ANKRD11: variants seen among roughly 807,000 people sequenced by gnomAD.
ANKRD11 encodes ankyrin repeat domain-containing protein 11.
In ANKRD11, 17 loss-of-function variants were observed where a neutral mutation model predicts 195.7. The ratio of observed to expected loss-of-function variants is 0.09; its 90% CI spans 0.06 to 0.13. ANKRD11 has a LOEUF of 0.13. Among genes scored for constraint, ANKRD11 ranks in the 10% least tolerant of loss-of-function variants. ANKRD11 has a pLI of 1.00. For missense variants in ANKRD11, 3,735 were observed against 3,566.1 expected (o/e 1.05, Z -1.21); for synonymous variants, 1,953 against 1,528.1 (o/e 1.28, Z -6.49).
chr16:89,446,763 A>G (rs1388090805), intron 1 of ANKRD11, among the ~76,000 whole-genome samples: 1 of 152,140 alleles, frequency 6.6e-6, no homozygotes, highest in African/African-American at 2.4e-5. Flanking sequence ...CTTCCTGTCC[A>G]GTGAGCACCA....
intron 1 of ANKRD11, among the ~76,000 whole-genome samples, chr16:89,435,618 C>T (rs920936903): frequency 6.6e-6 from 1 of 152,080 alleles, no homozygotes; most frequent in Admixed American, 6.5e-5. Flanking sequence ...TGACACTCAC[C>T]GCGAGGGTCC....
rs371508312 is a variant in ANKRD11 at position 89,317,053 on chromosome 16, G to A, written c.-34C>T. 165 of 1,599,346 alleles carry A rather than the reference G, an allele frequency of 1.0e-4. No individual in the cohort carries two copies. Among genetic ancestry groups the A allele is most frequent in the Non-Finnish European group, 1.3e-4 (156 of 1,172,308 alleles). On this transcript the variant is annotated 5_prime_UTR_variant, in exon 3 of 13. Transcript: ENST00000301030. ...TCCTCACCCGATCTTCATTTACACG[G>A]CCGGCGCTTCATCATCAACCGTCTG... is the stretch of plus-strand genomic sequence containing the variant.
intron 2 of ANKRD11, among the ~76,000 whole-genome samples, chr16:89,347,003 T>C (rs2038971915): frequency 2.6e-5 from 4 of 152,180 alleles, no homozygotes; most frequent in Admixed American, 2.0e-4. Context: ...GCGAAGCAAA[T>C]GGCCCAATCC....
intron 2 of ANKRD11, among the ~76,000 whole-genome samples, chr16:89,351,886 C>T (rs761605800): frequency 4.6e-5 from 7 of 152,186 alleles, no homozygotes; most frequent in East Asian, 1.9e-4. Context: ...GGTAAGCCTA[C>T]GGTCTGTCAA....
chr16:89,339,896 G>C (rs1285483158), intron 2 of ANKRD11: 1 of 152,174 alleles, frequency 6.6e-6, no homozygotes, highest in African/African-American at 2.4e-5. Flanking sequence ...CACCAAAGCC[G>C]GCCGCTGTCT....
intron 2 of ANKRD11, among the ~76,000 whole-genome samples, chr16:89,415,829 CAAAAAAAAA>C (rs71134220): frequency 3.3e-4 from 13 of 39,742 alleles, no homozygotes; most frequent in Non-Finnish European, 5.2e-4. Context: ...GACTCTGTCT[CAAAAAAAAA>C]AAAAAAAAAA....
At chr16:89,346,339 C>T (rs768263618) in intron 2 of ANKRD11, among the ~76,000 whole-genome samples, 2 of 150,852 alleles carry the variant, frequency 1.3e-5, no homozygotes, top group Non-Finnish European at 2.9e-5. Context: ...CAGTAAAGAA[C>T]AGACAAGGAG....
At chr16:89,471,645 C>T (rs1238051969) in intron 1 of ANKRD11, among the ~76,000 whole-genome samples, 2 of 151,730 alleles carry the variant, frequency 1.3e-5, no homozygotes, top group East Asian at 1.9e-4. Context: ...ATTATCCGGG[C>T]GTGGTGGCGG....
In ANKRD11 at chr16:89,279,644, C is replaced by T. The variant is rs897670799; in HGVS notation, c.6898G>A (p.Ala2300Thr). ...PEDDTEASRA[A>T]APAEGPPGGI... ...CCAGGAGGGCCTTCGGCTGGGGCGG[C>T]GGCACGGGAGGCCTCAGTGTCGTCC... Residue 2300 changes from alanine to threonine, a missense_variant, in exon 9 of 13, where the codon GCC becomes ACC. Transcript: ENST00000301030. This position sits in a 1 kb window ranked among gnomAD's most constrained non-coding sequence, Gnocchi z 5.6. 7 of 1,439,236 alleles carry T rather than the reference C, an allele frequency of 4.9e-6. No homozygotes were observed. The highest frequency in any genetic ancestry group is 4.3e-5 in the African/African-American group (3 of 69,628). The allele number at this position is 1,439,236 out of a possible 1,614,324, so 89.2% of individuals were successfully genotyped here. A position where few individuals can be genotyped will look rare whatever the true frequency, so the allele number is the denominator to read the frequency against.
At position 89,317,010 on chromosome 16, in the gene ANKRD11, C is replaced by G; in HGVS notation, c.10G>C (p.Gly4Arg). The G allele has an allele frequency of 6.2e-7, 1 of 1,613,414 alleles. No homozygotes were observed. ...TGCTGTGGTGCTTTAGGGCACCCAC[C>G]CTTGGGCATCGTCCTGCTCCTCACC... MPK[G>R]GCPKAPQQEE... The change falls in exon 3 of 13, where the codon GGT becomes CGT. Residue 4 changes from glycine to arginine, a missense_variant. Gly to Arg is a moderately radical substitution (Grantham distance 125). Transcript: ENST00000301030.
Position 89,280,118 on chromosome 16 carries a change from G to C in ANKRD11, c.6424C>G (p.Pro2142Ala), listed in dbSNP as rs763073381. 1 of 1,612,696 alleles carries C rather than the reference G, an allele frequency of 6.2e-7. No individual in the cohort carries two copies. The highest frequency in any genetic ancestry group is 8.5e-7 in the Non-Finnish European group (1 of 1,179,732). Residue 2142 changes from proline (P) to alanine (A), a missense_variant, in exon 9 of 13, where the codon CCC becomes GCC. Pro to Ala is a conservative substitution (Grantham distance 27). Coordinates refer to ENST00000301030, the MANE Select transcript of ANKRD11 (RefSeq NM_013275.6). ...TCTGCGGCATCTTTAGTCTGCAGGG[G>C]AAGCTCCGGCAGGGAGAAGGGCCCC... is the stretch of plus-strand genomic sequence containing the variant. Reference protein sequence around the residue: ...DLGPFSLPELPLQTKDAADGE... With the variant: ...DLGPFSLPELALQTKDAADGE...
intron 2 of ANKRD11, among the ~76,000 whole-genome samples, chr16:89,403,342 A>T (rs1567756139): frequency 6.6e-6 from 1 of 152,154 alleles, no homozygotes. Context: ...GACTGGCCCC[A>T]GCACCGCGTG....
At chr16:89,307,974 C>T (rs2036392154) in intron 3 of ANKRD11, among the ~76,000 whole-genome samples, 1 of 151,788 alleles carries the variant, frequency 6.6e-6, no homozygotes, top group Non-Finnish European at 1.5e-5. Context: ...ACCTTCATCT[C>T]AGAACCTGAT....
rs1005592913 is a variant in ANKRD11 at position 89,280,633 on chromosome 16, G to A, written c.5909C>T (p.Pro1970Leu). 6 of 1,613,544 alleles carry A rather than the reference G, an allele frequency of 3.7e-6. No individual in the cohort carries two copies. Among genetic ancestry groups the A allele is most frequent in the East Asian group, 4.5e-5 (2 of 44,864 alleles). Residue 1970 changes from proline to leucine, a missense_variant, in exon 9 of 13, where the codon CCT becomes CTT. By Grantham distance (98) the Pro-to-Leu change is moderately conservative (BLOSUM62 -3). Transcript: ENST00000301030. Reference protein sequence around the residue: ...SSLIGGTSENPVSWPVGSDLL... With the variant: ...SSLIGGTSENLVSWPVGSDLL... ...GTCCGAGCCCACAGGCCAGCTCACA[G>A]GGTTTTCAGAGGTGCCCCCGATCAG...
chr16:89,430,950 T>C (rs62068641), intron 1 of ANKRD11, among the ~76,000 whole-genome samples: 1 of 151,902 alleles, frequency 6.6e-6, no homozygotes, highest in East Asian at 1.9e-4. Context: ...GCCTGGGAAG[T>C]GGGTGCGCAG....
At chr16:89,300,998 G>A (rs537648199) in intron 4 of ANKRD11, 20 of 639,336 alleles carry the variant, frequency 3.1e-5, no homozygotes, top group Admixed American at 5.0e-5. Context: ...GGTCACAGAC[G>A]AAGGCGCAGG....
intron 2 of ANKRD11, among the ~76,000 whole-genome samples, chr16:89,327,433 T>C (rs1370971863): frequency 1.3e-5 from 2 of 152,114 alleles, no homozygotes; most frequent in African/African-American, 4.8e-5. Context: ...TAAAACTGTC[T>C]CTCTCTGAAG....
intron 2 of ANKRD11, among the ~76,000 whole-genome samples, chr16:89,389,346 A>C (rs2041069721): frequency 6.6e-6 from 1 of 152,156 alleles, no homozygotes; most frequent in African/African-American, 2.4e-5. Flanking sequence ...TGTAAACCTA[A>C]AATTTTTCAA....
chr16:89,366,379 G>A (rs1403744709), intron 2 of ANKRD11, among the ~76,000 whole-genome samples: 1 of 152,132 alleles, frequency 6.6e-6, no homozygotes, highest in Non-Finnish European at 1.5e-5. Context: ...GGTAGTTCTG[G>A]TTTTAGCTCT....
Sources: gnomAD v4.1 joint callset for allele counts (sites outside exome capture counted in the v4.1 genomes callset) on GRCh38, gnomAD v4.1.1 for gene constraint, Gnocchi (gnomAD v3.1) non-coding constraint, MANE v1.5 for transcripts, NCBI Gene and HGNC (gene_info 2026-07-23, HGNC 2026-07-21) for gene names.